Variants in GRM5 observed in about 807,000 individuals in gnomAD.
GRM5 encodes the protein metabotropic glutamate receptor 5.
A neutral mutation model predicts 83.1 loss-of-function variants in GRM5; 19 were observed. The observed-to-expected ratio is 0.23, with a 90% CI of 0.16 to 0.34. The LOEUF (loss-of-function observed/expected upper bound fraction) is 0.34, where lower values mean the gene tolerates loss of function less well. Ranked by LOEUF, GRM5 falls within the 10% of genes least tolerant of loss-of-function variation. GRM5 has a pLI of 1.00. For missense variants in GRM5, 1,160 were observed against 1,588.3 expected, an observed-to-expected ratio of 0.73 and a Z score of 4.58; for synonymous variants, 675 against 633.6, an observed-to-expected ratio of 1.07 and a Z score of -0.98.
At chr11:89,023,815 A>G (rs1338268002) in intron 2 of GRM5, among the ~76,000 whole-genome samples, 3 of 151,576 alleles carry the variant, frequency 2.0e-5, no homozygotes, top group Non-Finnish European at 4.4e-5. Context: ...ACACCACTGC[A>G]CTCCAGCTTG....
intron 3 of GRM5, among the ~76,000 whole-genome samples, chr11:88,723,562 G>A (rs1941600135): frequency 6.6e-6 from 1 of 151,908 alleles, no homozygotes; most frequent in African/African-American, 2.4e-5. Flanking sequence ...CAAACAAATG[G>A]TTGTTACTAT....
At chr11:88,797,357 G>C (rs1192986664) in intron 3 of GRM5, among the ~76,000 whole-genome samples, 1 of 152,080 alleles carries the variant, frequency 6.6e-6, no homozygotes, top group Non-Finnish European at 1.5e-5. Context: ...GATCAGGCTG[G>C]TCTTGAACTC....
chr11:89,026,477 T>C (rs958239524), intron 2 of GRM5, among the ~76,000 whole-genome samples: 16 of 152,232 alleles, frequency 1.1e-4, no homozygotes, highest in Non-Finnish European at 8.8e-5. Context: ...TAGCATGGTG[T>C]AATAGAAAGA....
chr11:88,605,524 C>T (rs1322145220), intron 4 of GRM5, among the ~76,000 whole-genome samples: 5 of 151,916 alleles, frequency 3.3e-5, no homozygotes, highest in Admixed American at 1.3e-4. Flanking sequence ...TCCTTTAATT[C>T]ATTAATTAAT....
At chr11:88,771,869 T>C (rs747928216) in intron 3 of GRM5, among the ~76,000 whole-genome samples, 2 of 152,132 alleles carry the variant, frequency 1.3e-5, no homozygotes, top group African/African-American at 2.4e-5. Flanking sequence ...CCTGAACATC[T>C]CCCTCCATTC....
chr11:88,926,441 C>T (rs1247018111), intron 2 of GRM5, among the ~76,000 whole-genome samples: 1 of 152,122 alleles, frequency 6.6e-6, no homozygotes, highest in African/African-American at 2.4e-5. Flanking sequence ...AAGTTTATAT[C>T]TACAGAGAGT....
chr11:88,629,011 G>A (rs536131487), intron 4 of GRM5, among the ~76,000 whole-genome samples: 1 of 152,224 alleles, frequency 6.6e-6, no homozygotes, highest in East Asian at 1.9e-4. Context: ...ACTAATTCTA[G>A]TCAGGTACTG....
At chr11:88,784,629 T>A (rs539228566) in intron 3 of GRM5, among the ~76,000 whole-genome samples, 1 of 152,136 alleles carries the variant, frequency 6.6e-6, no homozygotes, top group East Asian at 1.9e-4. Flanking sequence ...TTCTATCCCT[T>A]CCCATTCTAT....
At chr11:88,979,800 A>T (rs1939466796) in intron 2 of GRM5, among the ~76,000 whole-genome samples, 2 of 152,096 alleles carry the variant, frequency 1.3e-5, no homozygotes, top group Non-Finnish European at 1.5e-5. Flanking sequence ...TCACTTCCTA[A>T]TAGGGGCTTG....
At chr11:88,750,804 C>A (rs890008773) in intron 3 of GRM5, among the ~76,000 whole-genome samples, 6 of 152,026 alleles carry the variant, frequency 3.9e-5, no homozygotes, top group African/African-American at 1.4e-4. Flanking sequence ...GAAAATTGAA[C>A]AACCTCTTCC....
intron 8 of GRM5, among the ~76,000 whole-genome samples, chr11:88,534,239 C>T (rs572550382): frequency 6.6e-5 from 10 of 152,182 alleles, no homozygotes; most frequent in South Asian, 4.1e-4. Flanking sequence ...GTCCTCCAGA[C>T]GCCAGAATGT....
chr11:89,009,120 C>T, intron 2 of GRM5: 1 of 718,030 alleles, frequency 1.4e-6, no homozygotes, highest in South Asian at 1.5e-5. Flanking sequence ...AATAAAAAAC[C>T]TTAAGATGTA....
chr11:88,996,980 G>A (rs987898390), intron 2 of GRM5, among the ~76,000 whole-genome samples: 14 of 152,182 alleles, frequency 9.2e-5, no homozygotes, highest in Non-Finnish European at 1.9e-4. Context: ...GTGGAACACA[G>A]CTAACACAGT....
chr11:88,565,405 C>T (rs1302004403), intron 8 of GRM5, among the ~76,000 whole-genome samples: 1 of 152,198 alleles, frequency 6.6e-6, no homozygotes, highest in Non-Finnish European at 1.5e-5. Flanking sequence ...TGTTCTCTGC[C>T]ACCACTCCAT....
chr11:88,826,558 G>T (rs12275290), intron 3 of GRM5, among the ~76,000 whole-genome samples: 3,877 of 152,024 alleles, frequency 0.026, 174 homozygotes, highest in African/African-American at 0.089. Context: ...TAGTCCAATG[G>T]GTATTAGGTA....
intron 7 of GRM5, among the ~76,000 whole-genome samples, chr11:88,576,139 G>T (rs947480127): frequency 6.6e-6 from 1 of 152,066 alleles, no homozygotes; most frequent in African/African-American, 2.4e-5. Flanking sequence ...ATAATAAAGC[G>T]TGCTGACTGG....
intron 2 of GRM5, among the ~76,000 whole-genome samples, chr11:88,879,647 G>A (rs1400285304): frequency 1.3e-5 from 2 of 151,714 alleles, no homozygotes; most frequent in East Asian, 1.9e-4. Context: ...TCACCTTTCT[G>A]TATTTATATG....
At chr11:89,030,792 A>G (rs1941243415) in intron 2 of GRM5, among the ~76,000 whole-genome samples, 1 of 152,096 alleles carries the variant, frequency 6.6e-6, no homozygotes, top group Admixed American at 6.6e-5. Flanking sequence ...ACTTAAGAAC[A>G]CTGAATTATT....
chr11:88,975,105 A>C (rs1399298083), intron 2 of GRM5, among the ~76,000 whole-genome samples: 1 of 152,216 alleles, frequency 6.6e-6, no homozygotes, highest in Non-Finnish European at 1.5e-5. Context: ...AATTAAGAGA[A>C]GTTAGAACAA....
Sources: allele counts gnomAD v4.1 joint callset (sites outside exome capture counted in the v4.1 genomes callset), GRCh38; gene constraint gnomAD v4.1.1; transcripts MANE v1.5; gene names NCBI Gene and HGNC (gene_info 2026-07-23, HGNC 2026-07-21).